The following SLC24A2 variants were observed in gnomAD, a reference collection of about 807,000 sequenced individuals.
The protein encoded by SLC24A2 is sodium/potassium/calcium exchanger 2.
SLC24A2 carries 36 observed loss-of-function variants against 62.0 expected under a neutral mutation model. The observed-to-expected ratio is 0.58, with a 90% CI of 0.44 to 0.77. The LOEUF (loss-of-function observed/expected upper bound fraction) is 0.77, where lower values mean the gene tolerates loss of function less well. SLC24A2 is among the 30% of genes least tolerant of loss of function. The pLI is 0.00. For missense variants in SLC24A2, 846 were observed against 817.9 expected, an observed-to-expected ratio of 1.03 and a Z score of -0.42; for synonymous variants, 358 against 294.0, an observed-to-expected ratio of 1.22 and a Z score of -2.23.
chr9:19,988,566 C>T, the SLC24A2 span, among the ~76,000 whole-genome samples: 2 of 152,242 alleles, frequency 1.3e-5, no homozygotes, highest in African/African-American at 4.8e-5. Context: ...GCTGGCCTTG[C>T]TATGCTTGGC....
intron 7 of SLC24A2, among the ~76,000 whole-genome samples, chr9:19,557,370 G>C (rs1040602735): frequency 6.6e-6 from 1 of 152,212 alleles, no homozygotes; most frequent in Non-Finnish European, 1.5e-5. Context: ...GGAAGGCCTG[G>C]GGGTGTTTTA....
At chr9:20,032,249 C>T in the SLC24A2 span, among the ~76,000 whole-genome samples, 4 of 152,316 alleles carry the variant, frequency 2.6e-5, no homozygotes, top group Admixed American at 2.6e-4. Flanking sequence ...TTCCTTAATT[C>T]TCTCTGTTAC....
chr9:19,541,284 G>A (rs1339291948), intron 8 of SLC24A2, among the ~76,000 whole-genome samples: 12 of 150,228 alleles, frequency 8.0e-5, no homozygotes, highest in African/African-American at 2.9e-4. Flanking sequence ...GAGGCACTCT[G>A]CTTTTTAGAG....
At chr9:20,222,400 G>C in the SLC24A2 span, among the ~76,000 whole-genome samples, 4 of 152,074 alleles carry the variant, frequency 2.6e-5, no homozygotes, top group South Asian at 8.3e-4. Context: ...AAAAAGCAAA[G>C]TTTAGTATTG....
intron 2 of SLC24A2, among the ~76,000 whole-genome samples, chr9:19,729,163 G>T (rs980414405): frequency 6.6e-6 from 1 of 152,088 alleles, no homozygotes; most frequent in African/African-American, 2.4e-5. Context: ...TCAGGGAAAC[G>T]CAGATCAAAA....
intron 5 of SLC24A2, among the ~76,000 whole-genome samples, chr9:19,583,462 G>T (rs1431606601): frequency 1.3e-5 from 2 of 152,140 alleles, no homozygotes; most frequent in Non-Finnish European, 2.9e-5. Flanking sequence ...GCTTTCCACT[G>T]GCAGCAGACA....
the SLC24A2 span, among the ~76,000 whole-genome samples, chr9:19,890,028 T>A: frequency 1.3e-5 from 2 of 151,678 alleles, no homozygotes; most frequent in Non-Finnish European, 2.9e-5. Flanking sequence ...TCACTTACCT[T>A]CTTACTTAGT....
At chr9:19,675,793 C>T (rs1819544657) in intron 2 of SLC24A2, among the ~76,000 whole-genome samples, 1 of 152,092 alleles carries the variant, frequency 6.6e-6, no homozygotes. Context: ...ACAGGGTTTT[C>T]AGGTTTTGTG....
intron 2 of SLC24A2, among the ~76,000 whole-genome samples, chr9:19,732,229 C>T (rs189207228): frequency 3.3e-5 from 5 of 152,304 alleles, no homozygotes; most frequent in Admixed American, 6.5e-5. Flanking sequence ...ATTATGTCTG[C>T]TGCCAAAACT....
chr9:19,909,322 G>C, the SLC24A2 span, among the ~76,000 whole-genome samples: 1 of 151,984 alleles, frequency 6.6e-6, no homozygotes, highest in African/African-American at 2.4e-5. Context: ...TCACACACAG[G>C]GGCCTGTTGT....
the SLC24A2 span, among the ~76,000 whole-genome samples, chr9:20,065,464 G>T: frequency 6.6e-6 from 1 of 152,342 alleles, no homozygotes; most frequent in South Asian, 2.1e-4. Flanking sequence ...AATGGAGAGA[G>T]AAAGGGGAGG....
intron 7 of SLC24A2, among the ~76,000 whole-genome samples, chr9:19,571,309 C>A (rs113562912): frequency 1.3e-5 from 2 of 152,264 alleles, no homozygotes; most frequent in African/African-American, 4.8e-5. Context: ...GAGTGGCAGG[C>A]TCCTTATTCT....
At chr9:20,010,334 C>A in the SLC24A2 span, among the ~76,000 whole-genome samples, 49 of 152,194 alleles carry the variant, frequency 3.2e-4, no homozygotes, top group African/African-American at 1.1e-3. Flanking sequence ...AGAATACAAA[C>A]AATATGAAAA....
chr9:20,070,487 G>A, the SLC24A2 span, among the ~76,000 whole-genome samples: 11 of 152,212 alleles, frequency 7.2e-5, no homozygotes, highest in Non-Finnish European at 1.6e-4. Context: ...ATACGATTGA[G>A]TTTGTAAATG....
the SLC24A2 span, among the ~76,000 whole-genome samples, chr9:19,892,021 T>C: frequency 6.6e-6 from 1 of 152,202 alleles, no homozygotes; most frequent in Non-Finnish European, 1.5e-5. Flanking sequence ...AGCTCACCTC[T>C]TCAGATTGAG....
the SLC24A2 span, among the ~76,000 whole-genome samples, chr9:19,820,919 G>T: frequency 6.6e-6 from 1 of 152,050 alleles, no homozygotes; most frequent in Non-Finnish European, 1.5e-5. Context: ...ACACATTTTA[G>T]ACCCCAGCAT....
chr9:19,584,030 T>C (rs992963398), intron 5 of SLC24A2, among the ~76,000 whole-genome samples: 5 of 152,072 alleles, frequency 3.3e-5, no homozygotes, highest in African/African-American at 7.2e-5. Context: ...TTGTACATGT[T>C]ACAGTCCTTA....
At chr9:19,859,741 C>T in the SLC24A2 span, among the ~76,000 whole-genome samples, 1 of 152,214 alleles carries the variant, frequency 6.6e-6, no homozygotes, top group Non-Finnish European at 1.5e-5. Context: ...CATTTCTCAT[C>T]CCCTTGCAGT....
At chr9:19,839,978 A>G in the SLC24A2 span, among the ~76,000 whole-genome samples, 1 of 152,100 alleles carries the variant, frequency 6.6e-6, no homozygotes, top group Non-Finnish European at 1.5e-5. Flanking sequence ...ATGTGAGTAC[A>G]CTCTGTGTTG....
Sources: gnomAD v4.1 joint callset for allele counts (sites outside exome capture counted in the v4.1 genomes callset) on GRCh38, gnomAD v4.1.1 for gene constraint, MANE v1.5 for transcripts, NCBI Gene and HGNC (gene_info 2026-07-23, HGNC 2026-07-21) for gene names.